Variants in RNF122 observed in about 807,000 individuals in gnomAD.
RNF122 encodes ring finger protein 122.
In RNF122, 17 loss-of-function variants were observed where a neutral mutation model predicts 24.2. That is an observed-to-expected ratio of 0.70 (90% confidence interval 0.48 to 1.06). The LOEUF (loss-of-function observed/expected upper bound fraction) is 1.06. Ranked by LOEUF, RNF122 falls within the 50% of genes least tolerant of loss-of-function variation. RNF122 has a pLI of 0.00. For synonymous variants in RNF122, 65 were observed against 71.8 expected (o/e 0.91, Z 0.48); for missense variants, 168 against 198.1 (o/e 0.85, Z 0.91).
intron 1 of RNF122, among the ~76,000 whole-genome samples, chr8:33,566,257 A>C (rs953940375): frequency 1.3e-5 from 2 of 152,200 alleles, no homozygotes; most frequent in Non-Finnish European, 2.9e-5. Context: ...CCAGTCCCGC[A>C]CGCTGCACGG....
intron 1 of RNF122, among the ~76,000 whole-genome samples, chr8:33,560,480 T>A (rs190576153): frequency 6.3e-4 from 96 of 151,966 alleles, no homozygotes; most frequent in African/African-American, 2.1e-3. Flanking sequence ...CTCAATGAGA[T>A]CCTCCTGCCT....
At position 33,548,608 on chromosome 8, in the gene RNF122, G is replaced by T. The variant is rs564298303; in HGVS notation, c.*145C>A. 3.2e-6 allele frequency: 2 copies of T among 620,190 alleles called. No homozygotes were observed. Among genetic ancestry groups the T allele is most frequent in the South Asian group, 1.9e-5 (1 of 52,484 alleles). The allele number at this position is 620,190 out of a possible 1,614,324, so 38.4% of individuals were successfully genotyped here. A position where few individuals can be genotyped will look rare whatever the true frequency, so the allele number is the denominator to read the frequency against. Reference sequence around the variant, plus strand: ...ATCTGGCACTGGTCTTGCACTGAGGGTAGAAGCCCAGTCCTAGACCACCCT... The same window carrying T: ...ATCTGGCACTGGTCTTGCACTGAGGTTAGAAGCCCAGTCCTAGACCACCCT... On this transcript the variant is annotated 3_prime_UTR_variant, in exon 6 of 6. Transcript: ENST00000256257.
chr8:33,563,984 G>A (rs1195109589), intron 1 of RNF122, among the ~76,000 whole-genome samples: 1 of 152,142 alleles, frequency 6.6e-6, no homozygotes, highest in East Asian at 1.9e-4. Flanking sequence ...GATTGAATCA[G>A]TGAGCTTGGT....
chr8:33,549,306 C>T, intron 5 of RNF122, 104 bp downstream of exon 5: 1 of 916,960 alleles, frequency 1.1e-6, no homozygotes, highest in Non-Finnish European at 1.8e-6. Flanking sequence ...CCTGGGGCAT[C>T]ACGGATAAGG....
chr8:33,552,897 A>C (rs1386134050), intron 2 of RNF122, among the ~76,000 whole-genome samples: 1 of 151,974 alleles, frequency 6.6e-6, no homozygotes, highest in Non-Finnish European at 1.5e-5. Flanking sequence ...CATCTCTACA[A>C]AATGTACAAA....
chr8:33,550,143 G>A (rs9297207), intron 4 of RNF122, among the ~76,000 whole-genome samples: 74,710 of 151,882 alleles, frequency 0.49, 18,895 homozygotes, highest in Non-Finnish European at 0.56. Context: ...ATGTTGGTCA[G>A]GCTGGTCTCG....
chr8:33,561,139 T>G (rs1023321763), intron 1 of RNF122, among the ~76,000 whole-genome samples: 31 of 152,222 alleles, frequency 2.0e-4, no homozygotes, highest in African/African-American at 7.5e-4. Flanking sequence ...GACTCAATCA[T>G]TTAGTAACTC....
intron 1 of RNF122, among the ~76,000 whole-genome samples, chr8:33,559,035 G>A (rs1405211660): frequency 6.6e-6 from 1 of 152,138 alleles, no homozygotes; most frequent in East Asian, 1.9e-4. Context: ...TGGGTGTGGT[G>A]GCTCATGCCT....
rs553957597 is a variant in RNF122 at position 33,558,483 on chromosome 8, C to T, written c.182+132G>A. On this transcript the variant is annotated intron_variant, in intron 2 of 5. Coordinates refer to ENST00000256257, the MANE Select transcript of RNF122 (RefSeq NM_024787.3). The stretch of plus-strand genomic sequence containing the variant: ...GGGCCTAGAGAAGGGCAGGCTCAGC[C>T]GTGTCCTCAAAGTGGTGGCTCCAGT... 13 of 598,690 alleles carry T rather than the reference C, an allele frequency of 2.2e-5. No homozygotes were observed. The Admixed American group carries it at 2.6e-4, about 12-fold the overall frequency. 37.1% of individuals were successfully genotyped at this position (598,690 alleles called of 1,614,324 possible).
intron 2 of RNF122, among the ~76,000 whole-genome samples, chr8:33,556,066 T>C (rs1300270132): frequency 6.6e-6 from 1 of 150,930 alleles, no homozygotes; most frequent in Non-Finnish European, 1.5e-5. Context: ...GGCACACACC[T>C]GTACTCGGGA....
chr8:33,548,717 A>AGAG lies in RNF122; in HGVS notation c.*33_*35dup. ...AGAGGGACCAGACATCCATGAGGCA[A>AGAG]GAGGTCTTCTCCAGGTCTCGGTGTA... On this transcript the variant is annotated 3_prime_UTR_variant, in exon 6 of 6. Coordinates refer to ENST00000256257, the MANE Select transcript of RNF122 (RefSeq NM_024787.3). 1.5e-6 allele frequency: 2 copies of AGAG among 1,310,406 alleles called. No homozygotes were observed. The highest frequency in any genetic ancestry group is 2.2e-6 in the Non-Finnish European group (2 of 903,210). 81.2% of individuals were successfully genotyped at this position (1,310,406 alleles called of 1,614,324 possible).
rs1810320956 is a variant in RNF122, at chr8:33,548,478, A to C, written c.*275T>G. ...GACACCTTCCCCCAGAACAGGGACA[A>C]GGCAGGTAGATAGTCCAGTACCAGG... On this transcript the variant is annotated 3_prime_UTR_variant, in exon 6 of 6. Coordinates refer to ENST00000256257, the MANE Select transcript of RNF122 (RefSeq NM_024787.3). The C allele has an allele frequency of 3.1e-6, 1 of 326,718 alleles. No individual in the cohort carries two copies. The highest frequency in any genetic ancestry group is 2.1e-5 in the African/African-American group (1 of 47,904). 20.2% of individuals were successfully genotyped at this position (326,718 alleles called of 1,614,324 possible). A position where few individuals can be genotyped will look rare whatever the true frequency, so the allele number is the denominator to read the frequency against.
rs1276103962 is a variant in RNF122, at chr8:33,558,780, G to A, written c.26-9C>T. On this transcript the variant is annotated splice_polypyrimidine_tract_variant and intron_variant, in intron 1 of 5. Transcript: ENST00000256257. The stretch of plus-strand genomic sequence containing the variant: ...CAGGCCACAGAAACACCCTGCAAAG[G>A]GAGAGAAAAAAAAATCATTAGGGTT... 22 of 1,489,788 alleles carry A rather than the reference G, an allele frequency of 1.5e-5. No homozygotes were observed. The highest frequency in any genetic ancestry group is 3.6e-4 in the Middle Eastern group (2 of 5,610). 92.3% of individuals were successfully genotyped at this position (1,489,788 alleles called of 1,614,324 possible).
intron 1 of RNF122, among the ~76,000 whole-genome samples, chr8:33,559,694 T>C (rs1810510909): frequency 6.6e-6 from 1 of 151,634 alleles, no homozygotes; most frequent in African/African-American, 2.4e-5. Context: ...GGGGAGGAGG[T>C]TGCAACTTCC....
intron 4 of RNF122, 118 bp downstream of exon 4, chr8:33,550,926 G>T: frequency 1.1e-6 from 1 of 907,912 alleles, no homozygotes; most frequent in Non-Finnish European, 1.8e-6. Flanking sequence ...TTGGCCAAAG[G>T]AGATATGAAG....
In RNF122 at chr8:33,548,653, A is replaced by T; in HGVS notation, c.*100T>A. On this transcript the variant is annotated 3_prime_UTR_variant, in exon 6 of 6. Coordinates refer to ENST00000256257, the MANE Select transcript of RNF122 (RefSeq NM_024787.3). ...CACCCTTCTCATCACTGGGAAAGTG[A>T]TCGTCATCACCCTACAGTCCTGTTG... 1 of 767,152 alleles carries T rather than the reference A, an allele frequency of 1.3e-6. No individual in the cohort carries two copies. Among genetic ancestry groups the T allele is most frequent in the Non-Finnish European group, 2.3e-6 (1 of 434,964 alleles). 47.5% of individuals were successfully genotyped at this position (767,152 alleles called of 1,614,324 possible).
At position 33,566,753 on chromosome 8, in the gene RNF122, G is replaced by A. The variant is rs1167549243; in HGVS notation, c.-30C>T. On this transcript the variant is annotated 5_prime_UTR_variant, in exon 1 of 6. Transcript: ENST00000256257. ...GAAGTCGCGGTTGGCTTCCTCGGGC[G>A]AACGGACGCAGGCGGGGTGCCAGGA... 1 of 1,599,102 alleles carries A rather than the reference G, an allele frequency of 6.3e-7. No individual in the cohort carries two copies. The highest frequency in any genetic ancestry group is 8.5e-7 in the Non-Finnish European group (1 of 1,173,940).
chr8:33,554,408 C>G (rs1052610198), intron 2 of RNF122, among the ~76,000 whole-genome samples: 4 of 152,166 alleles, frequency 2.6e-5, no homozygotes, highest in African/African-American at 9.7e-5. Context: ...AGTACCACTT[C>G]CCCACCCATC....
rs1585356161 is a variant in RNF122 at position 33,551,049 on chromosome 8, A to G, written c.265T>C (p.Tyr89His). The G allele has an allele frequency of 6.2e-7, 1 of 1,614,074 alleles. No individual in the cohort carries two copies. Among genetic ancestry groups the G allele is most frequent in the Non-Finnish European group, 8.5e-7 (1 of 1,179,974 alleles). ...CACTTTCCTGGCACACTTACCCCAT[A>G]TAATTGTAACTTCTTGGCATCACCT... is the stretch of plus-strand genomic sequence containing the variant. Reference protein sequence around the residue: ...LKGDAKKLQLYGQTCAVCLED... With the variant: ...LKGDAKKLQLHGQTCAVCLED... The change falls in exon 4 of 6, where the codon TAT becomes CAT. Residue 89 changes from tyrosine (Y) to histidine (H), a missense_variant. By Grantham distance (83) the Tyr-to-His change is moderately conservative. Transcript: ENST00000256257.
Sources: allele counts gnomAD v4.1 joint callset (sites outside exome capture counted in the v4.1 genomes callset), GRCh38; gene constraint gnomAD v4.1.1; transcripts MANE v1.5; gene names NCBI Gene and HGNC (gene_info 2026-07-23, HGNC 2026-07-21).